The following N4BP2L2 variants were observed in gnomAD, a reference collection of about 807,000 sequenced individuals.
The protein encoded by N4BP2L2 is NEDD4 binding protein 2 like 2.
N4BP2L2 carries 50 observed loss-of-function variants against 56.2 expected under a neutral mutation model. The observed-to-expected ratio is 0.89, with a 90% CI of 0.71 to 1.13. The LOEUF (loss-of-function observed/expected upper bound fraction) is 1.13, where lower values mean the gene tolerates loss of function less well. Among genes scored for constraint, N4BP2L2 ranks in the 50% most tolerant of loss-of-function variants. N4BP2L2 has a pLI of 0.00. For missense variants in N4BP2L2, 689 were observed against 693.8 expected (o/e 0.99, Z 0.08); for synonymous variants, 203 against 223.6 (o/e 0.91, Z 0.82).
rs142345573 is a variant in N4BP2L2 at position 32,493,030 on chromosome 13, C to T, written c.365+24827G>A. The stretch of plus-strand genomic sequence containing the variant: ...CTCTGCCTCCTGGGTTGAAGTGATT[C>T]TCCTGCCTCACCCTCCCGAGTAGCT... On this transcript the variant is annotated intron_variant, in intron 6 of 9. Transcript: ENST00000357505. Among the ~76,000 whole-genome samples, 533 of 143,466 alleles carry T rather than the reference C, an allele frequency of 3.7e-3. 2 individuals carry two copies. The highest frequency in any genetic ancestry group is 6.5e-3 in the Non-Finnish European group (436 of 66,814). The allele number at this position is 143,466 out of a possible 152,430, so 94.1% of individuals were successfully genotyped here.
intron 6 of N4BP2L2, among the ~76,000 whole-genome samples, chr13:32,473,954 T>G (rs1348006964): frequency 6.6e-6 from 1 of 152,222 alleles, no homozygotes; most frequent in Non-Finnish European, 1.5e-5. Context: ...CATGGCTACC[T>G]TTGGGTACAG....
Position 32,511,223 on chromosome 13 carries a change from A to C in N4BP2L2, c.*6579T>G, listed in dbSNP as rs182860834. On this transcript the variant is annotated 3_prime_UTR_variant, in exon 6 of 6. Coordinates refer to ENST00000267068, the Ensembl canonical transcript of N4BP2L2. ...GCATTAAATAAGCAGCAGTTATTTA[A>C]ATGGATACTATTAAGACTTTTTGCT... 2.6e-5 allele frequency: 4 copies of C among 152,324 alleles called. No homozygotes were observed. In the East Asian group the frequency reaches 7.7e-4, roughly 29 times the overall value. 9.4% of individuals were successfully genotyped at this position (152,324 alleles called of 1,614,324 possible).
chr13:32,475,981 C>T (rs762113858), intron 6 of N4BP2L2, among the ~76,000 whole-genome samples: 9 of 152,176 alleles, frequency 5.9e-5, no homozygotes, highest in Admixed American at 2.6e-4. Context: ...ATATTTCATG[C>T]AATTCTGTCT....
At chr13:32,485,029 A>C (rs1284085546) in intron 6 of N4BP2L2, among the ~76,000 whole-genome samples, 2 of 152,214 alleles carry the variant, frequency 1.3e-5, no homozygotes, top group Non-Finnish European at 2.9e-5. Context: ...GCAAACTGAC[A>C]TCTTGGTACA....
chr13:32,527,185 C>T (rs1171893897), intron 3 of N4BP2L2: 3 of 467,656 alleles, frequency 6.4e-6, no homozygotes, highest in Non-Finnish European at 1.1e-5. Flanking sequence ...TTACAGTTTA[C>T]AAAGCGTTTT....
chr13:32,473,019 G>A (rs2082611855), intron 6 of N4BP2L2, among the ~76,000 whole-genome samples: 1 of 152,088 alleles, frequency 6.6e-6, no homozygotes, highest in South Asian at 2.1e-4. Flanking sequence ...GGTGGCTCAC[G>A]CCTGTAATCC....
At chr13:32,522,914 T>C (rs2051402312) in intron 3 of N4BP2L2, 3 of 152,260 alleles carry the variant, frequency 2.0e-5, no homozygotes, top group Non-Finnish European at 4.4e-5. Flanking sequence ...TGAAAAGTTA[T>C]GGATTTAAGT....
chr13:32,516,808 T>C, exon 6 of N4BP2L2: 1 of 716,854 alleles, frequency 1.4e-6, no homozygotes, highest in South Asian at 6.4e-5. Context: ...TTTCCTCATG[T>C]TGCAAAGAGA....
At chr13:32,488,172 C>A (rs544980658) in intron 6 of N4BP2L2, among the ~76,000 whole-genome samples, 1 of 152,086 alleles carries the variant, frequency 6.6e-6, no homozygotes, top group African/African-American at 2.4e-5. Context: ...TATACAGCTA[C>A]GTTAGGTTGG....
intron 6 of N4BP2L2, among the ~76,000 whole-genome samples, chr13:32,484,621 T>C (rs1219736372): frequency 6.6e-6 from 1 of 151,984 alleles, no homozygotes; most frequent in Non-Finnish European, 1.5e-5. Context: ...GTAGCTGGGA[T>C]TACTGGCACA....
intron 6 of N4BP2L2, among the ~76,000 whole-genome samples, chr13:32,483,999 A>G (rs1028826729): frequency 6.6e-6 from 1 of 151,408 alleles, no homozygotes; most frequent in African/African-American, 2.4e-5. Flanking sequence ...AGAAAAAAAA[A>G]AAAAAAGAAA....
chr13:32,538,131 G>A (rs546936530), intron 1 of N4BP2L2, among the ~76,000 whole-genome samples: 2 of 151,804 alleles, frequency 1.3e-5, no homozygotes, highest in East Asian at 1.9e-4. Flanking sequence ...ACAGCCCAGA[G>A]GCCTATTCCA....
At chr13:32,440,616 C>T (rs113482850) in intron 7 of N4BP2L2, among the ~76,000 whole-genome samples, 6,929 of 151,904 alleles carry the variant, frequency 0.046, 507 homozygotes, top group African/African-American at 0.16. Context: ...GCATGTGCCA[C>T]AATTCCTGGC....
chr13:32,462,800 C>T (rs183981433), intron 6 of N4BP2L2, among the ~76,000 whole-genome samples: 688 of 129,552 alleles, frequency 5.3e-3, no homozygotes, highest in African/African-American at 0.019. Context: ...TCAAGGAGGG[C>T]GGATCAAAAG....
chr13:32,439,875 A>G (rs1452895471), intron 7 of N4BP2L2, among the ~76,000 whole-genome samples: 1 of 147,186 alleles, frequency 6.8e-6, no homozygotes, highest in African/African-American at 2.6e-5. Flanking sequence ...AAAAAAAAAA[A>G]ATTAGCCGGG....
At chr13:32,519,903 A>G (rs937753604) in intron 5 of N4BP2L2, among the ~76,000 whole-genome samples, 1 of 152,248 alleles carries the variant, frequency 6.6e-6, no homozygotes, top group Non-Finnish European at 1.5e-5. Context: ...TAATGAAGCC[A>G]TAACTGCATA....
rs375191145 is a variant in N4BP2L2 at position 32,455,279 on chromosome 13, C to T, written c.366-11153G>A. ...ATAGTGTGCGGCACCCTGGGGCATGCGCAGTGTACCACACTGGGGAGGCTG... is the reference window on the plus strand; with the variant it reads ...ATAGTGTGCGGCACCCTGGGGCATGTGCAGTGTACCACACTGGGGAGGCTG... On this transcript the variant is annotated intron_variant, in intron 6 of 9. Transcript: ENST00000357505. Among the ~76,000 whole-genome samples, 38 of 152,252 alleles carry T rather than the reference C, an allele frequency of 2.5e-4. No individual in the cohort carries two copies. In the East Asian group the frequency reaches 5.6e-3, roughly 23 times the overall value.
chr13:32,481,118 C>CAAAAAAAAAAAAAAAAAAAAAA (rs60854435), intron 6 of N4BP2L2, among the ~76,000 whole-genome samples: 2 of 20,714 alleles, frequency 9.7e-5, no homozygotes, highest in African/African-American at 3.7e-4. Flanking sequence ...GACTCTGTCT[C>CAAAAAAAAAAAAAAAAAAAAAA]AAAAAAAAAA....
At chr13:32,471,454 T>C (rs2082274214) in intron 6 of N4BP2L2, among the ~76,000 whole-genome samples, 1 of 152,198 alleles carries the variant, frequency 6.6e-6, no homozygotes, top group African/African-American at 2.4e-5. Context: ...CCAGTATTGT[T>C]TGAGAAAGGT....
Sources: allele counts gnomAD v4.1 joint callset (sites outside exome capture counted in the v4.1 genomes callset), GRCh38; gene constraint gnomAD v4.1.1; transcripts MANE v1.5; gene names NCBI Gene and HGNC (gene_info 2026-07-23, HGNC 2026-07-21).